PECR: variants seen among roughly 807,000 people sequenced by gnomAD.
The protein encoded by PECR is peroxisomal trans-2-enoyl-CoA reductase.
A neutral mutation model predicts 35.3 loss-of-function variants in PECR; 30 were observed. The observed-to-expected ratio is 0.85, with a 90% CI of 0.64 to 1.15. The LOEUF is 1.15. Ranked by LOEUF, PECR falls within the 50% of genes most tolerant of loss-of-function variation. PECR has a pLI of 0.00. For missense variants in PECR, 392 were observed against 370.8 expected (o/e 1.06, Z -0.47); for synonymous variants, 148 against 138.9 (o/e 1.07, Z -0.46).
At chr2:216,043,073 A>G (rs1215905457) in intron 7 of PECR, among the ~76,000 whole-genome samples, 3 of 144,096 alleles carry the variant, frequency 2.1e-5, no homozygotes, top group African/African-American at 7.9e-5. Context: ...ATATGTATGT[A>G]TATATATACA....
Position 216,065,321 on chromosome 2 carries a change from A to C in PECR, c.415T>G (p.Cys139Gly). The C allele has an allele frequency of 6.2e-7, 1 of 1,609,330 alleles. No individual in the cohort carries two copies. Among genetic ancestry groups the C allele is most frequent in the Admixed American group, 1.7e-5 (1 of 60,006 alleles). Residue 139 changes from cysteine to glycine, a missense_variant, in exon 3 of 8, where the codon TGC (cysteine) becomes GGC (glycine). By Grantham distance (159) the Cys-to-Gly change is radical. Coordinates refer to ENST00000265322, the MANE Select transcript of PECR (RefSeq NM_018441.6). ...ETNLTGTFYM[C>G]KAVYSSWMKE... ...TACTGATGGTACTTGCCTGCTTTGC[A>C]CATGTAGAAGGTACCCGTCAGGTTG...
intron 4 of PECR, among the ~76,000 whole-genome samples, chr2:216,053,393 G>C (rs1467054977): frequency 6.6e-6 from 1 of 151,912 alleles, no homozygotes; most frequent in Non-Finnish European, 1.5e-5. Context: ...ACAGGCACCC[G>C]CCACCGTGCC....
At chr2:216,045,280 A>G (rs1194447216) in intron 6 of PECR, among the ~76,000 whole-genome samples, 1 of 152,208 alleles carries the variant, frequency 6.6e-6, no homozygotes, top group African/African-American at 2.4e-5. Context: ...GTGCTGCACT[A>G]TCTAAAACGA....
chr2:216,049,931 T>C (rs1004983840), intron 5 of PECR, among the ~76,000 whole-genome samples: 1 of 152,200 alleles, frequency 6.6e-6, no homozygotes, highest in Non-Finnish European at 1.5e-5. Context: ...AAAAACTGTA[T>C]CCCAGGCCAG....
chr2:216,075,001 G>A (rs1695668106), intron 1 of PECR, among the ~76,000 whole-genome samples: 1 of 152,178 alleles, frequency 6.6e-6, no homozygotes, highest in African/African-American at 2.4e-5. Context: ...CAAGATATGG[G>A]CCAGGCATGG....
intron 3 of PECR, among the ~76,000 whole-genome samples, chr2:216,060,977 G>A (rs565959352): frequency 1.3e-4 from 20 of 151,718 alleles, no homozygotes; most frequent in South Asian, 6.3e-4. Flanking sequence ...TTCCAATTCT[G>A]AAACTGAATC....
At chr2:216,080,313 T>G (rs1291644168) in intron 1 of PECR, among the ~76,000 whole-genome samples, 2 of 152,160 alleles carry the variant, frequency 1.3e-5, no homozygotes, top group Non-Finnish European at 2.9e-5. Context: ...TGACCTCAGG[T>G]TATCTGCCCG....
intron 3 of PECR, among the ~76,000 whole-genome samples, chr2:216,059,949 G>T (rs1244787878): frequency 6.6e-6 from 1 of 152,176 alleles, no homozygotes; most frequent in East Asian, 1.9e-4. Flanking sequence ...AATTGACAGG[G>T]ATTGCTCTGA....
intron 4 of PECR, among the ~76,000 whole-genome samples, chr2:216,053,073 CA>C (rs1269791422): frequency 6.6e-6 from 1 of 152,086 alleles, no homozygotes; most frequent in Non-Finnish European, 1.5e-5. Context: ...AGGCTGGTCT[CA>C]AACTCCTGAC....
At chr2:216,046,677 ACT>A (rs1321730830) in intron 6 of PECR, among the ~76,000 whole-genome samples, 1 of 152,064 alleles carries the variant, frequency 6.6e-6, no homozygotes, top group Non-Finnish European at 1.5e-5. Flanking sequence ...ATTAAATATT[ACT>A]CTTAGTTTTC....
rs1396982505 is a variant in PECR, at chr2:216,049,246, C to T, written c.714+17G>A. ...TAACACACAGCAATTCTAATCAATGCTGGAAATATACCTTACCTCCTCAGG... is the reference window on the plus strand; with the variant it reads ...TAACACACAGCAATTCTAATCAATGTTGGAAATATACCTTACCTCCTCAGG... On this transcript the variant is annotated intron_variant, in intron 6 of 7. Transcript: ENST00000265322. 1 of 1,202,920 alleles carries T rather than the reference C, an allele frequency of 8.3e-7. No homozygotes were observed. The highest frequency in any genetic ancestry group is 1.2e-5 in the South Asian group (1 of 82,792). 74.5% of individuals were successfully genotyped at this position (1,202,920 alleles called of 1,614,324 possible).
rs1559203784 is a variant in PECR, at chr2:216,031,428, G to GAAAGA, written c.*440+7762_*440+7763insTCTTT. Among the ~76,000 whole-genome samples, 123 of 56,566 alleles carry GAAAGA rather than the reference G, an allele frequency of 2.2e-3. 1 individual carries two copies. The highest frequency in any genetic ancestry group is 3.4e-3 in the Non-Finnish European group (80 of 23,644). 37.1% of individuals were successfully genotyped at this position (56,566 alleles called of 152,430 possible). On this transcript the variant is annotated intron_variant and NMD_transcript_variant, in intron 7 of 7. Transcript: ENST00000442122. ...AGAAAGGAAGAAAGGAAGAAAGAAA[G>GAAAGA]AAAAGAAAGAAAGAAAAAGAAAGAA...
At chr2:216,049,565 C>T (rs1317414567) in intron 5 of PECR, among the ~76,000 whole-genome samples, 192 bp from the exon 6 acceptor site, 2 of 152,192 alleles carry the variant, frequency 1.3e-5, no homozygotes, top group East Asian at 3.8e-4. Context: ...AATGGATGAT[C>T]TGAATAGTTA....
rs79081016 is a variant in PECR at position 216,076,038 on chromosome 2, A to G, written c.124+5580T>C. Among the ~76,000 whole-genome samples the G allele has an allele frequency of 6.4e-3, 980 of 152,336 alleles. 5 individuals are homozygous for G. Among genetic ancestry groups the G allele is most frequent in the African/African-American group, 0.022 (934 of 41,576 alleles). ...CTGCCTAACAGCACCTGTCAAAGGT[A>G]TAAAGGAGATCTAATTCTGCCTACA... On this transcript the variant is annotated intron_variant, in intron 1 of 7. Transcript: ENST00000265322.
At chr2:216,030,107 G>C (rs1259983781) in intron 7 of PECR, among the ~76,000 whole-genome samples, 2 of 152,104 alleles carry the variant, frequency 1.3e-5, no homozygotes, top group African/African-American at 4.8e-5. Flanking sequence ...AGAAGATTTA[G>C]GTTTCAAATT....
At chr2:216,063,227 A>G (rs879768483) in intron 3 of PECR, among the ~76,000 whole-genome samples, 15 of 152,326 alleles carry the variant, frequency 9.8e-5, no homozygotes, top group African/African-American at 1.4e-4. Flanking sequence ...TAAGGGCCGC[A>G]TAGTTCTTTA....
intron 6 of PECR, among the ~76,000 whole-genome samples, chr2:216,046,454 G>A (rs1694999398): frequency 6.6e-6 from 1 of 151,374 alleles, no homozygotes; most frequent in Non-Finnish European, 1.5e-5. Flanking sequence ...GGGACTACAG[G>A]CATATGCCAC....
At chr2:216,035,647 G>C (rs185621853), downstream of PECR, among the ~76,000 whole-genome samples, 1 of 151,962 alleles carries the variant, frequency 6.6e-6, no homozygotes, top group South Asian at 2.1e-4. Context: ...CCACCAGGCC[G>C]GCTAATTTTT....
At chr2:216,073,266 C>T (rs1695621259) in intron 1 of PECR, among the ~76,000 whole-genome samples, 1 of 152,240 alleles carries the variant, frequency 6.6e-6, no homozygotes, top group Non-Finnish European at 1.5e-5. Context: ...AACACAGTCA[C>T]ACACCCCATA....
Sources: gnomAD v4.1 joint callset for allele counts (sites outside exome capture counted in the v4.1 genomes callset) on GRCh38, gnomAD v4.1.1 for gene constraint, MANE v1.5 for transcripts, NCBI Gene and HGNC (gene_info 2026-07-23, HGNC 2026-07-21) for gene names.